The following POGZ variants were observed in gnomAD, a reference collection of about 807,000 sequenced individuals.
POGZ encodes the protein pogo transposable element derived with ZNF domain, also known as pogo transposable element with ZNF domain.
A neutral mutation model predicts 134.6 loss-of-function variants in POGZ; 17 were observed. That is an observed-to-expected ratio of 0.13 (90% confidence interval 0.09 to 0.19). The LOEUF is 0.19. Ranked by LOEUF, POGZ falls within the 10% of genes least tolerant of loss-of-function variation. The pLI, the probability that POGZ is intolerant of heterozygous loss-of-function variation, is 1.00. For synonymous variants in POGZ, 693 were observed against 657.1 expected (o/e 1.05, Z -0.84); for missense variants, 1,306 against 1,769.7 (o/e 0.74, Z 4.70).
At chr1:151,423,805 T>TA (rs1657338605) in intron 9 of POGZ, 144 bp downstream of exon 9, 2 of 685,244 alleles carry the variant, frequency 2.9e-6, no homozygotes, top group South Asian at 4.0e-5. Context: ...TCTCCTTCTA[T>TA]AGTCCTAGTT....
intron 10 of POGZ, among the ~76,000 whole-genome samples, chr1:151,412,627 A>C (rs976698833): frequency 2.0e-5 from 3 of 152,182 alleles, no homozygotes; most frequent in Non-Finnish European, 4.4e-5. Context: ...TTTATCTATA[A>C]GACATTTTAA....
At position 151,406,404 on chromosome 1, in the gene POGZ, A is replaced by G; in HGVS notation, c.2631T>C (p.Pro877=). ...TGGCAGCTTTGTTAGTGGGGAAGGA[A>G]GGAGGAGGGTACATATTCTTCACGT... The part of the protein sequence containing the change: ...DRNVKNMYPP[P]SFPTNKAATV... Residue 877 remains proline (P), a synonymous_variant, in exon 19 of 19, where the codon CCT becomes CCC. Transcript: ENST00000271715. The G allele has an allele frequency of 6.4e-7, 1 of 1,570,982 alleles. No individual in the cohort carries two copies. The highest frequency in any genetic ancestry group is 8.6e-7 in the Non-Finnish European group (1 of 1,160,364).
intron 1 of POGZ, among the ~76,000 whole-genome samples, chr1:151,449,977 T>C (rs1400051476): frequency 6.6e-6 from 1 of 151,626 alleles, no homozygotes; most frequent in Non-Finnish European, 1.5e-5. Flanking sequence ...AAAATCCATA[T>C]ATATCTAGTC....
chr1:151,434,334 C>T (rs1368297235), intron 3 of POGZ, among the ~76,000 whole-genome samples: 1 of 151,736 alleles, frequency 6.6e-6, no homozygotes, highest in African/African-American at 2.4e-5. Context: ...AATAGCTAGG[C>T]ATGGTGGTGT....
In POGZ at chr1:151,405,294, G is replaced by A. The variant is rs1184954247; in HGVS notation, c.3741C>T (p.Ser1247=). ...CTGCTGGGACCACTGCAGGCAAAGT[G>A]CTAGAGGCACTAAGCATAGCCAGTA... The part of the protein sequence containing the change: ...EEVLAMLSAS[S]TLPAVVPAGC... The change falls in exon 19 of 19, where the codon AGC becomes AGT. Residue 1247 remains serine (S), a synonymous_variant. Transcript: ENST00000271715. The surrounding 1 kb of genome is among the most constrained non-coding windows in gnomAD (Gnocchi z 4.9). 1 of 1,614,232 alleles carries A rather than the reference G, an allele frequency of 6.2e-7. No homozygotes were observed. The highest frequency in any genetic ancestry group is 8.5e-7 in the Non-Finnish European group (1 of 1,180,034).
At chr1:151,448,599 C>T (rs1038219820) in intron 1 of POGZ, among the ~76,000 whole-genome samples, 1 of 152,082 alleles carries the variant, frequency 6.6e-6, no homozygotes, top group African/African-American at 2.4e-5. Context: ...GTAATCCCAC[C>T]ACTTCAGGAG....
At chr1:151,458,686 G>T (rs982863028) in intron 1 of POGZ, among the ~76,000 whole-genome samples, 2 of 141,670 alleles carry the variant, frequency 1.4e-5, no homozygotes, top group Non-Finnish European at 3.1e-5. Flanking sequence ...CACCGCCCGC[G>T]CCCCCGCCCC....
intron 3 of POGZ, among the ~76,000 whole-genome samples, chr1:151,432,607 G>A (rs1286801715): frequency 6.6e-6 from 1 of 152,146 alleles, no homozygotes; most frequent in Non-Finnish European, 1.5e-5. Context: ...GAACGCTATA[G>A]TGAACCCCTA....
At chr1:151,406,884 C>T in intron 17 of POGZ, 27 bp downstream of exon 17, 1 of 1,546,298 alleles carries the variant, frequency 6.5e-7, no homozygotes, top group Non-Finnish European at 8.9e-7. Flanking sequence ...TCCCCTTGCT[C>T]AACTAATCCC....
chr1:151,409,119 T>C (rs963141915), intron 12 of POGZ, among the ~76,000 whole-genome samples: 1 of 152,188 alleles, frequency 6.6e-6, no homozygotes, highest in Non-Finnish European at 1.5e-5. Context: ...TAACCTTTAT[T>C]TGTATTATAT....
chr1:151,420,579 G>C (rs999791977), intron 10 of POGZ, among the ~76,000 whole-genome samples: 2 of 152,084 alleles, frequency 1.3e-5, no homozygotes, highest in African/African-American at 4.8e-5. Flanking sequence ...TCAAAGTGCT[G>C]AGATTACAGG....
chr1:151,445,315 A>G (rs1661110188), intron 1 of POGZ, among the ~76,000 whole-genome samples: 1 of 152,116 alleles, frequency 6.6e-6, no homozygotes, highest in African/African-American at 2.4e-5. Flanking sequence ...TGAGGTCAGG[A>G]GTTCCAGACC....
intron 1 of POGZ, among the ~76,000 whole-genome samples, chr1:151,456,252 C>T (rs1662759451): frequency 6.6e-6 from 1 of 152,172 alleles, no homozygotes; most frequent in African/African-American, 2.4e-5. Context: ...CATTAAACAA[C>T]ATTTTAAAAT....
chr1:151,412,323 C>A lies in POGZ; in HGVS notation c.1752G>T (p.Lys584Asn). The change falls in exon 11 of 19, where the codon AAG (lysine) becomes AAT (asparagine). Residue 584 changes from lysine (K) to asparagine (N), a missense_variant. Coordinates refer to ENST00000271715, the MANE Select transcript of POGZ (RefSeq NM_015100.4). ...GGCAAACATAAGGCATCTCTCCAGG[C>A]TTATGAGTATCCTTCATATGCTGGA... ...LFLQHMKDTH[K>N]PGEMPYVCQV... The A allele has an allele frequency of 6.2e-7, 1 of 1,606,476 alleles. No homozygotes were observed. Among genetic ancestry groups the A allele is most frequent in the Non-Finnish European group, 8.5e-7 (1 of 1,173,296 alleles).
At chr1:151,456,875 C>T (rs1662835480) in intron 1 of POGZ, among the ~76,000 whole-genome samples, 3 of 152,034 alleles carry the variant, frequency 2.0e-5, no homozygotes, top group African/African-American at 7.3e-5. Context: ...CAAAACTCCG[C>T]CTCAAAAAAA....
At chr1:151,445,276 C>G (rs1407746686) in intron 1 of POGZ, among the ~76,000 whole-genome samples, 1 of 151,986 alleles carries the variant, frequency 6.6e-6, no homozygotes, top group African/African-American at 2.4e-5. Context: ...AATCTCAACA[C>G]TTTGGGATGC....
intron 11 of POGZ, 117 bp downstream of exon 11, chr1:151,412,178 TA>T: frequency 3.3e-6 from 2 of 607,728 alleles, no homozygotes; most frequent in South Asian, 4.1e-5. Flanking sequence ...CTTCTGTACC[TA>T]CTCAGAGTTC....
chr1:151,450,986 G>C (rs1661983175), intron 1 of POGZ: 1 of 151,556 alleles, frequency 6.6e-6, no homozygotes, highest in African/African-American at 2.4e-5. Context: ...GATCACTTGA[G>C]GTCAGGAGTT....
intron 10 of POGZ, among the ~76,000 whole-genome samples, chr1:151,421,442 A>G (rs532380066): frequency 6.6e-6 from 1 of 152,220 alleles, no homozygotes; most frequent in Non-Finnish European, 1.5e-5. Flanking sequence ...AAGCTTGCGT[A>G]TTTCTACTGC....
Sources: gnomAD v4.1 joint callset for allele counts (sites outside exome capture counted in the v4.1 genomes callset) on GRCh38, gnomAD v4.1.1 for gene constraint, Gnocchi (gnomAD v3.1) non-coding constraint, MANE v1.5 for transcripts, NCBI Gene and HGNC (gene_info 2026-07-23, HGNC 2026-07-21) for gene names.